CEP112: variants seen among roughly 807,000 people sequenced by gnomAD.
The protein encoded by CEP112 is centrosomal protein 112.
CEP112 carries 127 observed loss-of-function variants against 153.0 expected under a neutral mutation model. The observed-to-expected ratio is 0.83, with a 90% CI of 0.72 to 0.96. CEP112 has a LOEUF of 0.96. Among genes scored for constraint, CEP112 ranks in the 40% least tolerant of loss-of-function variants. CEP112 has a pLI of 0.00. For synonymous variants in CEP112, 358 were observed against 374.4 expected (o/e 0.96, Z 0.51); for missense variants, 1,089 against 1,101.2 (o/e 0.99, Z 0.16).
chr17:65,753,624 C>G (rs2052028296), intron 21 of CEP112, among the ~76,000 whole-genome samples: 1 of 152,138 alleles, frequency 6.6e-6, no homozygotes, highest in African/African-American at 2.4e-5. Flanking sequence ...CTACTCTGAA[C>G]CTCTTGAGGT....
intron 21 of CEP112, among the ~76,000 whole-genome samples, chr17:65,824,183 T>TGG (rs2056728468): frequency 6.6e-6 from 1 of 152,212 alleles, no homozygotes; most frequent in African/African-American, 2.4e-5. Flanking sequence ...AGCTGGAGAA[T>TGG]GGATAAGTTT....
In CEP112 at chr17:65,941,004, T is replaced by C. The variant is rs1219585845; in HGVS notation, c.1873-13315A>G. ...TATCAAAACATCACATTGTATCTCA[T>C]AAATATATACAATTATGATTTGTCA... is the stretch of plus-strand genomic sequence containing the variant. On this transcript the variant is annotated intron_variant, in intron 18 of 26. Coordinates refer to ENST00000535342, the MANE Select transcript of CEP112 (RefSeq NM_001199165.4). Among the ~76,000 whole-genome samples, 3 of 152,140 alleles carry C rather than the reference T, an allele frequency of 2.0e-5. No homozygotes were observed. The East Asian group carries it at 5.8e-4, about 29-fold the overall frequency.
chr17:65,939,478 C>A (rs768989982), intron 18 of CEP112, among the ~76,000 whole-genome samples: 1 of 152,158 alleles, frequency 6.6e-6, no homozygotes, highest in Non-Finnish European at 1.5e-5. Context: ...CATCACACTA[C>A]CTGACATCAA....
intron 21 of CEP112, among the ~76,000 whole-genome samples, chr17:65,827,523 C>T (rs1388782464): frequency 6.6e-6 from 1 of 152,154 alleles, no homozygotes; most frequent in Non-Finnish European, 1.5e-5. Flanking sequence ...TCTGGATTAC[C>T]AAAGTTGCCT....
intron 21 of CEP112, among the ~76,000 whole-genome samples, chr17:65,847,394 CTG>C (rs1044114499): frequency 1.5e-3 from 223 of 152,340 alleles, no homozygotes; most frequent in African/African-American, 5.2e-3. Flanking sequence ...AGGCATTCCA[CTG>C]TTCAGCTGGA....
rs529231944 is a variant in CEP112 at position 65,936,844 on chromosome 17, C to T, written c.1873-9155G>A. Among the ~76,000 whole-genome samples the T allele has an allele frequency of 6.3e-5, 8 of 127,098 alleles. 1 individual carries two copies. The East Asian group carries it at 1.6e-3, about 25-fold the overall frequency. The allele number at this position is 127,098 out of a possible 152,430, so 83.4% of individuals were successfully genotyped here. A position where few individuals can be genotyped will look rare whatever the true frequency, so the allele number is the denominator to read the frequency against. The stretch of plus-strand genomic sequence containing the variant: ...CACGGTCTCCCTCTCCCTCTCTTTC[C>T]ACGGTCTCCCTCTGATGCCGAGCCG... On this transcript the variant is annotated intron_variant, in intron 18 of 26. Transcript: ENST00000535342.
chr17:65,811,026 G>C (rs1208012841), intron 21 of CEP112, among the ~76,000 whole-genome samples: 1 of 152,218 alleles, frequency 6.6e-6, no homozygotes, highest in African/African-American at 2.4e-5. Context: ...TTGGAGGTTT[G>C]AGAAGAATAG....
At chr17:66,008,227 A>G (rs1421285374) in intron 16 of CEP112, among the ~76,000 whole-genome samples, 2 of 152,140 alleles carry the variant, frequency 1.3e-5, no homozygotes, top group Admixed American at 6.5e-5. Context: ...TCACATATTC[A>G]TATCATACAT....
chr17:65,786,348 G>C (rs1049877760), intron 21 of CEP112, among the ~76,000 whole-genome samples: 4 of 151,584 alleles, frequency 2.6e-5, no homozygotes, highest in African/African-American at 9.7e-5. Flanking sequence ...CTGTACACAA[G>C]ATTTTGTCAT....
intron 21 of CEP112, among the ~76,000 whole-genome samples, chr17:65,798,650 T>C (rs1346496530): frequency 6.6e-6 from 1 of 152,218 alleles, no homozygotes; most frequent in Non-Finnish European, 1.5e-5. Flanking sequence ...TACCTGTTAT[T>C]TGTCACAAGC....
In CEP112 at chr17:66,072,235, A is replaced by C. The variant is rs936003775; in HGVS notation, c.769-2234T>G. Among the ~76,000 whole-genome samples the C allele has an allele frequency of 5.9e-5, 9 of 152,176 alleles. 1 individual carries two copies. The highest frequency in any genetic ancestry group is 2.2e-4 in the African/African-American group (9 of 41,448). On this transcript the variant is annotated intron_variant, in intron 8 of 26. Coordinates refer to ENST00000535342, the MANE Select transcript of CEP112 (RefSeq NM_001199165.4). ...CTTCAATATATATTTCCTTAGAACA[A>C]GAACACTGTCTTTGATAACCAAAGC...
intron 23 of CEP112, among the ~76,000 whole-genome samples, chr17:65,724,138 C>T (rs1438618334): frequency 1.3e-5 from 2 of 152,138 alleles, no homozygotes; most frequent in African/African-American, 2.4e-5. Context: ...ACCAACCATC[C>T]CGGCCTTCTT....
At chr17:66,056,031 A>G (rs60455024) in intron 11 of CEP112, among the ~76,000 whole-genome samples, 2,257 of 152,284 alleles carry the variant, frequency 0.015, 61 homozygotes, top group African/African-American at 0.052. Context: ...TAAGGGATAA[A>G]CTATCTTAGT....
rs1459955681 is a variant in CEP112, at chr17:65,750,719, G to T, written c.2400C>A (p.Asn800Lys). 6.2e-7 allele frequency: 1 copy of T among 1,613,934 alleles called. No homozygotes were observed. Among genetic ancestry groups the T allele is most frequent in the Admixed American group, 1.7e-5 (1 of 59,988 alleles). Residue 800 changes from asparagine to lysine, a missense_variant, in exon 22 of 27, where the codon AAC becomes AAA. Asn to Lys is a moderately conservative substitution (Grantham distance 94, BLOSUM62 0). Transcript: ENST00000535342. ...CCTTCTCAATCTGCTTCAGCTTGCTGTTGGCCTGAAAAACACATGTACATG... is the reference window on the plus strand; with the variant it reads ...CCTTCTCAATCTGCTTCAGCTTGCTTTTGGCCTGAAAAACACATGTACATG... ...AETEMTLEKA[N>K]SKLKQIEKEY...
intron 18 of CEP112, among the ~76,000 whole-genome samples, chr17:65,937,513 C>A (rs1364424997): frequency 1.5e-5 from 2 of 137,860 alleles, no homozygotes; most frequent in South Asian, 2.7e-4. Context: ...ACCGCCCCGT[C>A]TGAGAAGTGA....
At chr17:65,967,906 G>A (rs1257162979) in intron 17 of CEP112, among the ~76,000 whole-genome samples, 1 of 152,002 alleles carries the variant, frequency 6.6e-6, no homozygotes, top group Non-Finnish European at 1.5e-5. Context: ...GGTTTATGGT[G>A]AAGAAAAATT....
At chr17:66,103,602 T>C (rs117056917) in intron 6 of CEP112, among the ~76,000 whole-genome samples, 2 of 152,256 alleles carry the variant, frequency 1.3e-5, no homozygotes, top group East Asian at 3.9e-4. Context: ...TTTAGCAATT[T>C]TCCCCGCAGC....
At chr17:66,040,862 C>A (rs1253285454) in intron 12 of CEP112, among the ~76,000 whole-genome samples, 1 of 152,100 alleles carries the variant, frequency 6.6e-6, no homozygotes, top group Non-Finnish European at 1.5e-5. Context: ...TTATTAGTAT[C>A]TTTCTTTAAG....
Position 65,635,974 on chromosome 17 carries a change from C to T in CEP112, c.2865G>A (p.Arg955=). The change falls in exon 27 of 27, where the codon AGG becomes AGA. Residue 955 remains arginine, a splice_region_variant and synonymous_variant. Coordinates refer to ENST00000535342, the MANE Select transcript of CEP112 (RefSeq NM_001199165.4). The stretch of plus-strand genomic sequence containing the variant: ...TCCGTTGCATTCTCTCGTGCAGTTA[C>T]CTGTAAACCAAAAATCGCAGTCACG... ...QEELTTYQGR[R] is the part of the protein sequence containing the mutation. 1 of 1,600,438 alleles carries T rather than the reference C, an allele frequency of 6.2e-7. No homozygotes were observed. Among genetic ancestry groups the T allele is most frequent in the Non-Finnish European group, 8.5e-7 (1 of 1,172,100 alleles).
Sources: allele counts gnomAD v4.1 joint callset (sites outside exome capture counted in the v4.1 genomes callset), GRCh38; gene constraint gnomAD v4.1.1; transcripts MANE v1.5; gene names NCBI Gene and HGNC (gene_info 2026-07-23, HGNC 2026-07-21).